Variants in NARS2 observed in about 807,000 individuals in gnomAD.
NARS2 encodes the protein asparaginyl-tRNA synthetase 2, mitochondrial.
In NARS2, 60 loss-of-function variants were observed where a neutral mutation model predicts 62.9. The ratio of observed to expected loss-of-function variants is 0.95; its 90% CI spans 0.77 to 1.18. The LOEUF is 1.18. Ranked by LOEUF, NARS2 falls within the 50% of genes most tolerant of loss-of-function variation. The pLI is 0.00. For synonymous variants in NARS2, 196 were observed against 200.0 expected (o/e 0.98, Z 0.17); for missense variants, 619 against 576.4 (o/e 1.07, Z -0.76).
intron 6 of NARS2, among the ~76,000 whole-genome samples, chr11:78,498,920 A>G (rs1257114267): frequency 1.4e-5 from 1 of 73,584 alleles, no homozygotes; most frequent in Non-Finnish European, 2.4e-5. Context: ...TTTTTTTGAG[A>G]TGGAGTCTCG....
intron 2 of NARS2, among the ~76,000 whole-genome samples, chr11:78,569,626 T>C (rs543330626): frequency 7.9e-5 from 12 of 152,328 alleles, no homozygotes; most frequent in African/African-American, 2.9e-4. Flanking sequence ...GCTATTCTTA[T>C]ATAATTTATA....
intron 6 of NARS2, among the ~76,000 whole-genome samples, chr11:78,524,561 C>G (rs1453674154): frequency 6.6e-6 from 1 of 151,994 alleles, no homozygotes; most frequent in Non-Finnish European, 1.5e-5. Context: ...AAATGGAATA[C>G]TTCATTATGT....
At chr11:78,462,513 A>G (rs1444552687) in intron 11 of NARS2, among the ~76,000 whole-genome samples, 2 of 152,224 alleles carry the variant, frequency 1.3e-5, no homozygotes, top group Non-Finnish European at 2.9e-5. Context: ...GAAGAAGTGG[A>G]AAAAAACACA....
At chr11:78,471,769 G>T (rs533628148) in intron 9 of NARS2, among the ~76,000 whole-genome samples, 1 of 144,872 alleles carries the variant, frequency 6.9e-6, no homozygotes, top group East Asian at 2.0e-4. Flanking sequence ...CCACCTATGA[G>T]TGAGAATATG....
At chr11:78,543,572 A>AC (rs1384303817) in intron 5 of NARS2, among the ~76,000 whole-genome samples, 4 of 152,180 alleles carry the variant, frequency 2.6e-5, no homozygotes, top group African/African-American at 9.7e-5. Flanking sequence ...AACCATTTGT[A>AC]GGAAAAAAAA....
At chr11:78,474,086 A>C (rs1858986035) in intron 9 of NARS2, among the ~76,000 whole-genome samples, 1 of 152,230 alleles carries the variant, frequency 6.6e-6, no homozygotes, top group Non-Finnish European at 1.5e-5. Flanking sequence ...TAGTGAATTC[A>C]ACAACGTATT....
At chr11:78,549,742 G>A (rs1856023706) in intron 5 of NARS2, among the ~76,000 whole-genome samples, 1 of 152,122 alleles carries the variant, frequency 6.6e-6, no homozygotes, top group African/African-American at 2.4e-5. Context: ...GTGTGGTCAG[G>A]GGAAAAGACA....
intron 6 of NARS2, among the ~76,000 whole-genome samples, chr11:78,510,411 T>C (rs1235655263): frequency 6.6e-6 from 1 of 152,148 alleles, no homozygotes; most frequent in African/African-American, 2.4e-5. Flanking sequence ...ATAGGTTCAA[T>C]ACAATCAGAC....
At chr11:78,574,186 A>G (rs1340005916) in intron 1 of NARS2, among the ~76,000 whole-genome samples, 162 bp downstream of exon 1, 1 of 152,202 alleles carries the variant, frequency 6.6e-6, no homozygotes, top group Non-Finnish European at 1.5e-5. Context: ...GTTTTGTGAA[A>G]AGTAATGGAA....
chr11:78,445,571 A>G (rs528202947), intron 11 of NARS2, among the ~76,000 whole-genome samples: 7 of 152,216 alleles, frequency 4.6e-5, no homozygotes, highest in Non-Finnish European at 1.0e-4. Flanking sequence ...GCAGTGAGCC[A>G]AGATCATGCC....
chr11:78,548,176 G>A (rs192825210), intron 5 of NARS2, among the ~76,000 whole-genome samples: 24 of 152,256 alleles, frequency 1.6e-4, no homozygotes, highest in Admixed American at 1.6e-3. Context: ...GACAGTGCAA[G>A]TGCATGCACT....
At chr11:78,559,119 C>A (rs7937120) in intron 5 of NARS2, among the ~76,000 whole-genome samples, 102,642 of 151,624 alleles carry the variant, frequency 0.68, 36,797 homozygotes, top group Non-Finnish European at 0.81. Flanking sequence ...CCTGGCTAAC[C>A]AAGAGAAACC....
intron 10 of NARS2, among the ~76,000 whole-genome samples, chr11:78,466,730 C>T (rs572474421): frequency 3.2e-4 from 49 of 152,250 alleles, no homozygotes; most frequent in African/African-American, 1.1e-3. Flanking sequence ...ATCTGCCCAC[C>T]TTGGCCTCCC....
In NARS2 at chr11:78,558,297, T is replaced by C. The variant is rs932059138; in HGVS notation, c.594+1242A>G. On this transcript the variant is annotated intron_variant, in intron 5 of 13. Coordinates refer to ENST00000281038, the MANE Select transcript of NARS2 (RefSeq NM_024678.6). ...TCAACGTCAAGAATTCTTCCAGTCA[T>C]GTATAATGAAGACGGCATTTGATTA... 58 of 152,228 alleles carry C rather than the reference T, an allele frequency of 3.8e-4. 2 individuals are homozygous for C. Among genetic ancestry groups the C allele is most frequent in the Non-Finnish European group, 4.4e-5 (3 of 68,050 alleles). The allele number at this position is 152,228 out of a possible 1,614,324, so 9.4% of individuals were successfully genotyped here.
intron 7 of NARS2, 47 bp downstream of exon 7, chr11:78,493,016 C>T (rs1859891747): frequency 4.1e-6 from 6 of 1,451,056 alleles, no homozygotes; most frequent in African/African-American, 1.9e-5. Context: ...TATACAGAAA[C>T]ATTTTAATGT....
chr11:78,497,931 A>AT (rs1164488045), intron 6 of NARS2, among the ~76,000 whole-genome samples: 10 of 151,912 alleles, frequency 6.6e-5, no homozygotes, highest in Admixed American at 6.6e-5. Context: ...TGTTCTTAAT[A>AT]TTTTTTTTGG....
chr11:78,547,906 T>C (rs780270365), intron 5 of NARS2, among the ~76,000 whole-genome samples: 4 of 151,002 alleles, frequency 2.6e-5, no homozygotes, highest in Non-Finnish European at 4.4e-5. Context: ...AAATCATTGA[T>C]GAACAACTGA....
At chr11:78,565,600 A>G (rs1856716137) in intron 4 of NARS2, among the ~76,000 whole-genome samples, 1 of 152,198 alleles carries the variant, frequency 6.6e-6, no homozygotes, top group Admixed American at 6.5e-5. Context: ...CTAGAATATC[A>G]GAGAGAGAGC....
intron 7 of NARS2, among the ~76,000 whole-genome samples, chr11:78,486,189 A>G (rs762476526): frequency 8.6e-5 from 13 of 151,786 alleles, no homozygotes; most frequent in Non-Finnish European, 1.6e-4. Context: ...ATTTTTTTTT[A>G]AATATTTTCT....
Sources: allele counts gnomAD v4.1 joint callset (sites outside exome capture counted in the v4.1 genomes callset), GRCh38; gene constraint gnomAD v4.1.1; transcripts MANE v1.5; gene names NCBI Gene and HGNC (gene_info 2026-07-23, HGNC 2026-07-21).